Variants in UNC13B observed in about 807,000 individuals in gnomAD.
UNC13B encodes protein unc-13 homolog B.
Under a neutral mutation model 211.0 loss-of-function variants are expected in UNC13B, and 144 were observed. The ratio of observed to expected loss-of-function variants is 0.68; its 90% CI spans 0.60 to 0.78. The LOEUF (loss-of-function observed/expected upper bound fraction) is 0.78, where lower values mean the gene tolerates loss of function less well. Among genes scored for constraint, UNC13B ranks in the 30% least tolerant of loss-of-function variants. The probability of loss-of-function intolerance (pLI) is 0.00; values close to 1 mark genes in which losing one functional copy is unlikely to be tolerated. For synonymous variants in UNC13B, 709 were observed against 725.8 expected, an observed-to-expected ratio of 0.98 and a Z score of 0.37; for missense variants, 1,777 against 2,002.0, an observed-to-expected ratio of 0.89 and a Z score of 2.14.
chr9:35,246,073 G>GT (rs1473476690), intron 6 of UNC13B, among the ~76,000 whole-genome samples: 3 of 152,096 alleles, frequency 2.0e-5, no homozygotes, highest in African/African-American at 7.2e-5. Context: ...TGTCATTGTG[G>GT]TTTTGATTTG....
intron 6 of UNC13B, among the ~76,000 whole-genome samples, chr9:35,243,609 G>A (rs949188259): frequency 1.3e-5 from 2 of 152,130 alleles, no homozygotes; most frequent in African/African-American, 4.8e-5. Flanking sequence ...CTTAGAGAGG[G>A]AGCTTGTACC....
At position 35,381,231 on chromosome 9, in the gene UNC13B, G is replaced by C; in HGVS notation, c.10491+16G>C. 2 of 1,605,340 alleles carry C rather than the reference G, an allele frequency of 1.2e-6. No individual in the cohort carries two copies. The highest frequency in any genetic ancestry group is 3.4e-5 in the Admixed American group (2 of 59,560). On this transcript the variant is annotated intron_variant, in intron 19 of 39. Coordinates refer to ENST00000635942, the MANE Select transcript of UNC13B (RefSeq NM_001371189.2). ...TCTCCATGAGGTGAGCCAGCCCTTG[G>C]TAGGTGGGGGATCAGAAAGCAGTGC...
chr9:35,255,065 GTATAA>G (rs1418468162), intron 6 of UNC13B, among the ~76,000 whole-genome samples: 5 of 107,338 alleles, frequency 4.7e-5, no homozygotes, highest in East Asian at 2.2e-4. Context: ...TATATATTAT[GTATAA>G]TATAATATAT....
intron 6 of UNC13B, among the ~76,000 whole-genome samples, chr9:35,248,756 G>A (rs1826262213): frequency 1.3e-5 from 2 of 152,164 alleles, no homozygotes; most frequent in African/African-American, 4.8e-5. Context: ...TACATTTGCT[G>A]AGGAATGCTT....
chr9:35,170,167 T>C (rs968820561), intron 1 of UNC13B, among the ~76,000 whole-genome samples: 7 of 152,202 alleles, frequency 4.6e-5, no homozygotes, highest in Non-Finnish European at 8.8e-5. Flanking sequence ...TTACTGTTTT[T>C]TTTTTGTTTT....
intron 1 of UNC13B, among the ~76,000 whole-genome samples, chr9:35,204,524 A>G (rs1008592716): frequency 1.3e-5 from 2 of 152,124 alleles, no homozygotes; most frequent in African/African-American, 4.8e-5. Context: ...AAGATTTGGA[A>G]CTTTCCAAGG....
At chr9:35,260,701 A>G (rs1827224449) in intron 7 of UNC13B, among the ~76,000 whole-genome samples, 1 of 152,144 alleles carries the variant, frequency 6.6e-6, no homozygotes, top group African/African-American at 2.4e-5. Flanking sequence ...TTTGCTGTTT[A>G]GGACCGAACA....
chr9:35,217,773 G>T (rs1433852749), intron 1 of UNC13B, among the ~76,000 whole-genome samples: 1 of 152,170 alleles, frequency 6.6e-6, no homozygotes, highest in Non-Finnish European at 1.5e-5. Context: ...GCTGGGTGCG[G>T]TGGCTTACAC....
chr9:35,168,539 C>T (rs901868508), intron 1 of UNC13B, among the ~76,000 whole-genome samples: 11 of 152,168 alleles, frequency 7.2e-5, no homozygotes, highest in Middle Eastern at 3.2e-3. Context: ...TGTCTCAGAT[C>T]AACATCCTCA....
chr9:35,286,265 T>C (rs1828788996), intron 7 of UNC13B, among the ~76,000 whole-genome samples: 2 of 139,424 alleles, frequency 1.4e-5, no homozygotes, highest in South Asian at 4.9e-4. Flanking sequence ...GGAGTTTCAC[T>C]CTGTCACCCA....
chr9:35,204,002 C>A (rs1823489691), intron 1 of UNC13B, among the ~76,000 whole-genome samples: 1 of 152,246 alleles, frequency 6.6e-6, no homozygotes, highest in South Asian at 2.1e-4. Flanking sequence ...GAATGATTTT[C>A]TTGGCTAGGC....
At chr9:35,309,625 A>G (rs1015387717) in intron 9 of UNC13B, among the ~76,000 whole-genome samples, 2 of 152,078 alleles carry the variant, frequency 1.3e-5, no homozygotes, top group Admixed American at 6.6e-5. Context: ...GCTTTCTCTC[A>G]TGACTTTCTG....
chr9:35,317,390 A>T (rs1037231325), intron 11 of UNC13B, among the ~76,000 whole-genome samples: 5 of 151,628 alleles, frequency 3.3e-5, no homozygotes, highest in Admixed American at 6.6e-5. Flanking sequence ...CTTTGTAGAG[A>T]TGGAATTTCA....
At chr9:35,334,200 A>G (rs1000529845) in intron 11 of UNC13B, among the ~76,000 whole-genome samples, 1 of 152,168 alleles carries the variant, frequency 6.6e-6, no homozygotes, top group African/African-American at 2.4e-5. Context: ...TCCTGACCTC[A>G]GGTGATCTGC....
Position 35,403,558 on chromosome 9 carries a change from A to G in UNC13B, c.12696A>G (p.Lys4232=). 4 of 1,610,678 alleles carry G rather than the reference A, an allele frequency of 2.5e-6. No homozygotes were observed. Among genetic ancestry groups the G allele is most frequent in the Non-Finnish European group, 3.4e-6 (4 of 1,178,422 alleles). Residue 4232 remains lysine, a synonymous_variant, in exon 39 of 40, where the codon AAA becomes AAG. Coordinates refer to ENST00000635942, the MANE Select transcript of UNC13B (RefSeq NM_001371189.2). ...DKKRKFTTKS[K]SNNWAPKYNE... is the part of the protein sequence containing the mutation. ...AGAGGAAGTTCACAACCAAATCCAA[A>G]AGCAACAACTGGGCCCCCAAGTACA...
chr9:35,353,854 A>G (rs752872219), intron 11 of UNC13B: 84 of 1,188,002 alleles, frequency 7.1e-5, no homozygotes, highest in Non-Finnish European at 8.2e-5. Flanking sequence ...TGGCTAAAGT[A>G]TGACCTCCAT....
chr9:35,340,165 C>T (rs1473237458), intron 11 of UNC13B, among the ~76,000 whole-genome samples: 1 of 152,016 alleles, frequency 6.6e-6, no homozygotes, highest in African/African-American at 2.4e-5. Context: ...TATTTTTTTC[C>T]TCTGTGTTTA....
chr9:35,165,699 G>A (rs962500032), intron 1 of UNC13B, among the ~76,000 whole-genome samples: 1 of 152,124 alleles, frequency 6.6e-6, no homozygotes, highest in African/African-American at 2.4e-5. Flanking sequence ...TTACAGGCGT[G>A]AGCCACTGCG....
At chr9:35,401,623 C>G (rs1221921887) in intron 37 of UNC13B, among the ~76,000 whole-genome samples, 1 of 152,218 alleles carries the variant, frequency 6.6e-6, no homozygotes. Context: ...TGTGCATTTT[C>G]TACCCGTTGC....
Sources: gnomAD v4.1 joint callset for allele counts (sites outside exome capture counted in the v4.1 genomes callset) on GRCh38, gnomAD v4.1.1 for gene constraint, MANE v1.5 for transcripts, NCBI Gene and HGNC (gene_info 2026-07-23, HGNC 2026-07-21) for gene names.